The following AXDND1 variants were observed in gnomAD, a reference collection of about 807,000 sequenced individuals.
The protein encoded by AXDND1 is axonemal dynein light chain domain containing 1, also known as axonemal dynein light chain domain-containing protein 1.
Under a neutral mutation model 137.5 loss-of-function variants are expected in AXDND1, and 110 were observed. The ratio of observed to expected loss-of-function variants is 0.80; its 90% CI spans 0.69 to 0.94. The LOEUF (loss-of-function observed/expected upper bound fraction) is 0.94, where lower values mean the gene tolerates loss of function less well. AXDND1 is among the 40% of genes least tolerant of loss of function. The pLI, the probability that AXDND1 is intolerant of heterozygous loss-of-function variation, is 0.00. For missense variants in AXDND1, 1,191 were observed against 1,169.8 expected (o/e 1.02, Z -0.26); for synonymous variants, 414 against 399.7 (o/e 1.04, Z -0.43).
In AXDND1 at chr1:179,468,490, T is replaced by A; in HGVS notation, c.1846T>A (p.Ser616Thr). 1 of 1,613,088 alleles carries A rather than the reference T, an allele frequency of 6.2e-7. No individual in the cohort carries two copies. The change falls in exon 17 of 26, where the codon TCT becomes ACT. Residue 616 changes from serine (S) to threonine (T), a missense_variant. Transcript: ENST00000367618. ...TTTGATTAGTTCTCTTGACTTCTGT[T>A]CTTTCAAGTTGGAAAACCTGGAGTT... ...PSLISSLDFC[S>T]FKLENLEFPD... is the part of the protein sequence containing the mutation.
intron 12 of AXDND1, among the ~76,000 whole-genome samples, chr1:179,421,543 C>A (rs1655737769): frequency 1.3e-5 from 2 of 151,508 alleles, no homozygotes; most frequent in Admixed American, 1.3e-4. Flanking sequence ...ACCACCATGC[C>A]TGGCTAATTT....
intron 21 of AXDND1, among the ~76,000 whole-genome samples, chr1:179,521,572 A>T (rs1045896222): frequency 4.6e-5 from 7 of 152,142 alleles, no homozygotes; most frequent in African/African-American, 1.4e-4. Flanking sequence ...ACCTTTAAGA[A>T]ATATGCTGGC....
chr1:179,468,486 C>G lies in AXDND1; in HGVS notation c.1842C>G (p.Phe614Leu). Reference sequence around the variant, plus strand: ...CAAGTTTGATTAGTTCTCTTGACTTCTGTTCTTTCAAGTTGGAAAACCTGG... The same window carrying G: ...CAAGTTTGATTAGTTCTCTTGACTTGTGTTCTTTCAAGTTGGAAAACCTGG... ...ILPSLISSLDFCSFKLENLEF... is the reference protein window; with the variant it reads ...ILPSLISSLDLCSFKLENLEF... The change falls in exon 17 of 26, where the codon TTC becomes TTG. Residue 614 changes from phenylalanine (F) to leucine (L), a missense_variant. By Grantham distance (22) the Phe-to-Leu change is conservative. Transcript: ENST00000367618. The G allele has an allele frequency of 6.2e-7, 1 of 1,612,882 alleles. No homozygotes were observed. Among genetic ancestry groups the G allele is most frequent in the Non-Finnish European group, 8.5e-7 (1 of 1,179,726 alleles).
At chr1:179,535,504 G>C (rs1390739366) in intron 25 of AXDND1, among the ~76,000 whole-genome samples, 3 of 152,208 alleles carry the variant, frequency 2.0e-5, no homozygotes, top group African/African-American at 7.2e-5. Context: ...ATAGTTTGCT[G>C]ATAATGATGG....
At position 179,509,288 on chromosome 1, in the gene AXDND1, C is replaced by T. The variant is rs767435289; in HGVS notation, c.2389-8C>T. On this transcript the variant is annotated splice_region_variant and splice_polypyrimidine_tract_variant and intron_variant, in intron 20 of 25. Transcript: ENST00000367618. ...TTTTTCTGCTTGTAATCTTTTATCT[C>T]TTCTCAGAAAGAATGTTATGAATGG... The T allele has an allele frequency of 2.5e-6, 4 of 1,581,334 alleles. No individual in the cohort carries two copies. The African/African-American group carries it at 4.1e-5, about 16-fold the overall frequency.
At chr1:179,430,257 CTT>C (rs1383622932) in intron 13 of AXDND1, among the ~76,000 whole-genome samples, 193 bp from the exon 14 acceptor site, 1 of 151,942 alleles carries the variant, frequency 6.6e-6, no homozygotes, top group African/African-American at 2.4e-5. Flanking sequence ...AATCTTGTCT[CTT>C]AATACTTTAT....
At chr1:179,517,460 AG>A in intron 21 of AXDND1, among the ~76,000 whole-genome samples, 1 of 152,292 alleles carries the variant, frequency 6.6e-6, no homozygotes, top group South Asian at 2.1e-4. Context: ...CCTGAGTTCT[AG>A]CGGGAGGCAC....
At chr1:179,509,918 C>G (rs936883709) in intron 21 of AXDND1, among the ~76,000 whole-genome samples, 1 of 152,196 alleles carries the variant, frequency 6.6e-6, no homozygotes, top group East Asian at 1.9e-4. Context: ...ACTTCTTTCT[C>G]TCTTTCCATT....
chr1:179,403,497 A>G (rs755046738), intron 11 of AXDND1, among the ~76,000 whole-genome samples: 1 of 152,262 alleles, frequency 6.6e-6, no homozygotes, highest in Non-Finnish European at 1.5e-5. Flanking sequence ...TTACGTGAAA[A>G]CTGGGAGAGA....
chr1:179,536,233 C>A (rs4385666), intron 25 of AXDND1, among the ~76,000 whole-genome samples: 133,005 of 151,884 alleles, frequency 0.88, 58,396 homozygotes, highest in East Asian at 0.96. Context: ...CCATTTGTCT[C>A]TTTTGGCTTG....
At chr1:179,421,367 CTTTTTTTT>C (rs199703017) in intron 12 of AXDND1, among the ~76,000 whole-genome samples, 22 of 107,208 alleles carry the variant, frequency 2.1e-4, no homozygotes, top group African/African-American at 7.0e-4. Flanking sequence ...TTTTCTTTTC[CTTTTTTTT>C]TTTTTTTTTT....
chr1:179,387,199 A>G (rs1460478846), intron 9 of AXDND1, among the ~76,000 whole-genome samples: 2 of 152,302 alleles, frequency 1.3e-5, no homozygotes, highest in African/African-American at 2.4e-5. Flanking sequence ...TTGTGCTGCT[A>G]TAACAGAATA....
At chr1:179,470,724 TACA>T (rs1663817301) in intron 17 of AXDND1, among the ~76,000 whole-genome samples, 1 of 152,144 alleles carries the variant, frequency 6.6e-6, no homozygotes, top group Admixed American at 6.5e-5. Flanking sequence ...TACCTATAAA[TACA>T]AGTAGTTTCT....
intron 15 of AXDND1, among the ~76,000 whole-genome samples, chr1:179,438,184 A>G (rs1043684015): frequency 3.3e-5 from 5 of 152,164 alleles, no homozygotes; most frequent in African/African-American, 9.7e-5. Context: ...AAATAAATAC[A>G]TAAAAATAAA....
chr1:179,465,043 C>A (rs1662930260), intron 16 of AXDND1, among the ~76,000 whole-genome samples: 1 of 152,050 alleles, frequency 6.6e-6, no homozygotes, highest in African/African-American at 2.4e-5. Flanking sequence ...TTTTTAGCTT[C>A]TTTGCAATGG....
chr1:179,520,881 T>A (rs1315391593), intron 21 of AXDND1, among the ~76,000 whole-genome samples: 6 of 148,470 alleles, frequency 4.0e-5, no homozygotes, highest in Admixed American at 3.4e-4. Context: ...GTTATATATA[T>A]ATACAGCATA....
Position 179,492,921 on chromosome 1 carries a change from T to G in AXDND1, c.2358T>G (p.Thr786=), listed in dbSNP as rs145412061. 650 of 1,611,038 alleles carry G rather than the reference T, an allele frequency of 4.0e-4. 5 individuals are homozygous for G. In the East Asian group the frequency reaches 0.012, roughly 30 times the overall value. Residue 786 remains threonine, a synonymous_variant, in exon 20 of 26, where the codon ACT becomes ACG. Coordinates refer to ENST00000367618, the MANE Select transcript of AXDND1 (RefSeq NM_144696.6). ...CCACTAACTCACACAAAAATGCTAC[T>G]GAAGACCTTTATGAGGTGGATAAGT... ...SKSTNSHKNA[T]EDLYEVDKLK...
chr1:179,523,237 G>A (rs55684261), intron 21 of AXDND1, among the ~76,000 whole-genome samples: 47,422 of 106,304 alleles, frequency 0.45, 8,208 homozygotes, highest in East Asian at 0.58. Flanking sequence ...TCATCTGATT[G>A]TTTTTGTTTT....
intron 23 of AXDND1, among the ~76,000 whole-genome samples, chr1:179,533,455 T>C (rs949400528): frequency 3.3e-5 from 5 of 152,194 alleles, no homozygotes; most frequent in East Asian, 1.9e-4. Flanking sequence ...ACTTGACTTA[T>C]AAAGAAACAT....
Sources: gnomAD v4.1 joint callset for allele counts (sites outside exome capture counted in the v4.1 genomes callset) on GRCh38, gnomAD v4.1.1 for gene constraint, MANE v1.5 for transcripts, NCBI Gene and HGNC (gene_info 2026-07-23, HGNC 2026-07-21) for gene names.